Variants in NRXN1 observed in about 807,000 individuals in gnomAD.
The protein encoded by NRXN1 is neurexin-1.
A neutral mutation model predicts 150.9 loss-of-function variants in NRXN1; 39 were observed. That is an observed-to-expected ratio of 0.26 (90% CI 0.20 to 0.34). The LOEUF (loss-of-function observed/expected upper bound fraction) is 0.34, where lower values mean the gene tolerates loss of function less well. Among genes scored for constraint, NRXN1 ranks in the 10% least tolerant of loss-of-function variants. The pLI is 1.00. For missense variants in NRXN1, 1,815 were observed against 1,949.9 expected, an observed-to-expected ratio of 0.93 and a Z score of 1.30; for synonymous variants, 924 against 757.0, an observed-to-expected ratio of 1.22 and a Z score of -3.62.
At chr2:50,412,670 A>G (rs2083275305) in intron 17 of NRXN1, among the ~76,000 whole-genome samples, 1 of 152,196 alleles carries the variant, frequency 6.6e-6, no homozygotes, top group African/African-American at 2.4e-5. Flanking sequence ...AAATAATTAT[A>G]AAAAATTAAA....
At chr2:49,966,845 C>A (rs1677054466) in intron 21 of NRXN1, among the ~76,000 whole-genome samples, 1 of 151,796 alleles carries the variant, frequency 6.6e-6, no homozygotes, top group Non-Finnish European at 1.5e-5. Flanking sequence ...CCCAACGAAA[C>A]CAAAAGAGAA....
chr2:50,465,439 T>C lies in NRXN1; in HGVS notation c.3364+3A>G, dbSNP rs762891600. On this transcript the variant is annotated splice_donor_region_variant and intron_variant, in intron 17 of 22. Coordinates refer to ENST00000401669, the MANE Select transcript of NRXN1 (RefSeq NM_001330078.2). ...ATCAGTCCATACTCAGAGAGGTACT[T>C]ACGGTCATTGCAGAGTGGTCCACTG... 3.2e-5 allele frequency: 52 copies of C among 1,606,640 alleles called. No homozygotes were observed. The highest frequency in any genetic ancestry group is 3.3e-4 in the Middle Eastern group (2 of 6,050).
At chr2:50,718,808 T>C (rs1455591046) in intron 5 of NRXN1, among the ~76,000 whole-genome samples, 6 of 152,026 alleles carry the variant, frequency 3.9e-5, no homozygotes, top group Admixed American at 2.0e-4. Flanking sequence ...AACAGAGCCA[T>C]TGACATTTGA....
At chr2:50,951,061 G>C (rs192942593) in intron 2 of NRXN1, among the ~76,000 whole-genome samples, 2 of 152,304 alleles carry the variant, frequency 1.3e-5, no homozygotes, top group East Asian at 3.9e-4. Flanking sequence ...TATGTCAGTA[G>C]TAATATACTG....
At chr2:49,984,357 T>G (rs1680538975) in intron 21 of NRXN1, among the ~76,000 whole-genome samples, 1 of 152,148 alleles carries the variant, frequency 6.6e-6, no homozygotes, top group African/African-American at 2.4e-5. Flanking sequence ...CCCAACTGAA[T>G]TTTGCTAATT....
chr2:50,371,028 C>G (rs2079983473), intron 17 of NRXN1, among the ~76,000 whole-genome samples: 1 of 151,990 alleles, frequency 6.6e-6, no homozygotes, highest in Non-Finnish European at 1.5e-5. Flanking sequence ...GAAATCATTT[C>G]CATGTCAACA....
chr2:50,822,021 T>C (rs1669813025), intron 5 of NRXN1, among the ~76,000 whole-genome samples: 1 of 152,166 alleles, frequency 6.6e-6, no homozygotes, highest in Admixed American at 6.6e-5. Flanking sequence ...TTTTAAACAC[T>C]AATTGACTTT....
chr2:50,121,993 A>C (rs1703923159), intron 18 of NRXN1, among the ~76,000 whole-genome samples: 1 of 152,194 alleles, frequency 6.6e-6, no homozygotes, highest in Admixed American at 6.5e-5. Flanking sequence ...CATGTACAAA[A>C]ATATATTTCA....
chr2:50,207,781 T>A (rs1039462621), intron 18 of NRXN1: 4 of 165,500 alleles, frequency 2.4e-5, no homozygotes, highest in African/African-American at 9.6e-5. Context: ...GAATCAGCTA[T>A]CATTTGGGAA....
At chr2:50,179,830 A>G (rs1452627540) in intron 18 of NRXN1, among the ~76,000 whole-genome samples, 1 of 152,102 alleles carries the variant, frequency 6.6e-6, no homozygotes, top group Non-Finnish European at 1.5e-5. Context: ...CTTAACCTAG[A>G]GCTAGACGTC....
At chr2:50,783,494 T>C (rs1366221493) in intron 5 of NRXN1, among the ~76,000 whole-genome samples, 1 of 152,140 alleles carries the variant, frequency 6.6e-6, no homozygotes, top group African/African-American at 2.4e-5. Context: ...AACAAAATCA[T>C]AGATCAGGGT....
intron 2 of NRXN1, among the ~76,000 whole-genome samples, chr2:50,937,539 A>ACC (rs2104451344): frequency 6.6e-6 from 1 of 152,224 alleles, no homozygotes; most frequent in East Asian, 1.9e-4. Context: ...GGGCAAAATA[A>ACC]ACTGAAGGAG....
At chr2:50,047,710 G>GT (rs5831071) in intron 21 of NRXN1, among the ~76,000 whole-genome samples, 96,226 of 150,106 alleles carry the variant, frequency 0.64, 31,096 homozygotes, top group African/African-American at 0.68. Flanking sequence ...TCCTTCCTCT[G>GT]TTTTTTTTTC....
At chr2:50,540,773 T>C (rs977998023) in intron 9 of NRXN1, among the ~76,000 whole-genome samples, 11 of 152,020 alleles carry the variant, frequency 7.2e-5, no homozygotes, top group Admixed American at 2.6e-4. Context: ...GCAACTCTCA[T>C]GCCGCAGCCT....
At chr2:50,354,568 T>C (rs1337037134) in intron 17 of NRXN1, among the ~76,000 whole-genome samples, 3 of 141,780 alleles carry the variant, frequency 2.1e-5, no homozygotes, top group Non-Finnish European at 4.6e-5. Flanking sequence ...TATATATATA[T>C]ATATATATAT....
intron 21 of NRXN1, among the ~76,000 whole-genome samples, chr2:49,944,548 T>A (rs1250436990): frequency 6.6e-6 from 1 of 152,142 alleles, no homozygotes; most frequent in Non-Finnish European, 1.5e-5. Flanking sequence ...AAGATACCTA[T>A]CTCTGTAATA....
chr2:50,836,534 T>A (rs1672126163), intron 5 of NRXN1, among the ~76,000 whole-genome samples: 1 of 152,106 alleles, frequency 6.6e-6, no homozygotes, highest in Admixed American at 6.5e-5. Context: ...TGACTTCACC[T>A]TTTTTAGATT....
intron 18 of NRXN1, among the ~76,000 whole-genome samples, chr2:50,097,218 C>T (rs1700340944): frequency 6.6e-6 from 1 of 152,152 alleles, no homozygotes; most frequent in African/African-American, 2.4e-5. Context: ...GAGAGAAGGA[C>T]CAAACATTGT....
intron 17 of NRXN1, among the ~76,000 whole-genome samples, chr2:50,282,499 C>T (rs1481298710): frequency 6.6e-6 from 1 of 152,064 alleles, no homozygotes; most frequent in Non-Finnish European, 1.5e-5. Flanking sequence ...GGGAACACTT[C>T]TCGTATACCT....
Sources: gnomAD v4.1 joint callset for allele counts (sites outside exome capture counted in the v4.1 genomes callset) on GRCh38, gnomAD v4.1.1 for gene constraint, MANE v1.5 for transcripts, NCBI Gene and HGNC (gene_info 2026-07-23, HGNC 2026-07-21) for gene names.